FBXO34: variants seen among roughly 807,000 people sequenced by gnomAD.
FBXO34 encodes the protein F-box protein 34, also known as F-box only protein 34.
FBXO34 carries 12 observed loss-of-function variants against 24.5 expected under a neutral mutation model. The ratio of observed to expected loss-of-function variants is 0.49; its 90% CI spans 0.31 to 0.79. The LOEUF (loss-of-function observed/expected upper bound fraction) is 0.79, where lower values mean the gene tolerates loss of function less well. FBXO34 is among the 30% of genes least tolerant of loss of function. FBXO34 has a pLI of 0.04. For missense variants in FBXO34, 823 were observed against 857.7 expected (o/e 0.96, Z 0.51); for synonymous variants, 320 against 311.9 (o/e 1.03, Z -0.27).
At chr14:55,418,494 CAAGTTA>C in the FBXO34 span, among the ~76,000 whole-genome samples, 1 of 152,150 alleles carries the variant, frequency 6.6e-6, no homozygotes. Context: ...TTGCACCGCT[CAAGTTA>C]TTCATTTTAT....
At chr14:55,393,325 C>T in the FBXO34 span, among the ~76,000 whole-genome samples, 29 of 151,564 alleles carry the variant, frequency 1.9e-4, no homozygotes, top group South Asian at 6.3e-4. Context: ...GTGGAGGTTG[C>T]AGTGAGCCGA....
the FBXO34 span, among the ~76,000 whole-genome samples, chr14:55,379,269 T>C: frequency 0.56 from 84,552 of 151,796 alleles, 26,554 homozygotes; most frequent in African/African-American, 0.87. Context: ...GGTGCAGTGG[T>C]TCATGCCTGT....
At position 55,294,373 on chromosome 14, in the gene FBXO34, G is replaced by A. The variant is rs762951197; in HGVS notation, c.-11+22836G>A. On this transcript the variant is annotated intron_variant, in intron 1 of 1. Transcript: ENST00000313833. ...GCAGTGGTGTGAACACTGCAGTCTT[G>A]ACCTCCCAAGTTCAAGTGATCCTCT... 3.0e-4 allele frequency among the ~76,000 whole-genome samples: 45 copies of A among 151,984 alleles called. 1 individual carries two copies. The highest frequency in any genetic ancestry group is 5.4e-4 in the Non-Finnish European group (37 of 67,970).
chr14:55,314,812 A>T (rs1232614889), intron 1 of FBXO34, among the ~76,000 whole-genome samples: 2 of 152,214 alleles, frequency 1.3e-5, no homozygotes, highest in East Asian at 3.8e-4. Flanking sequence ...TTAAATGTAC[A>T]TAGTTTAGTT....
At chr14:55,433,817 T>A in the FBXO34 span, 1 of 1,069,648 alleles carries the variant, frequency 9.3e-7, no homozygotes, top group African/African-American at 1.6e-5. Flanking sequence ...TCAAACAGAT[T>A]GGATGGGAAA....
intron 1 of FBXO34, among the ~76,000 whole-genome samples, chr14:55,305,456 T>G (rs1419022577): frequency 2.0e-5 from 3 of 149,124 alleles, no homozygotes; most frequent in African/African-American, 5.0e-5. Context: ...CGGTGCGTGG[T>G]GGCTGAGGCG....
At chr14:55,308,187 T>C (rs902574390) in intron 1 of FBXO34, among the ~76,000 whole-genome samples, 1 of 152,226 alleles carries the variant, frequency 6.6e-6, no homozygotes, top group African/African-American at 2.4e-5. Flanking sequence ...GCATTTTGCA[T>C]AGAATTGCAG....
chr14:55,298,920 G>A lies in FBXO34; in HGVS notation c.-11+27383G>A, dbSNP rs1051016697. On this transcript the variant is annotated intron_variant, in intron 1 of 1. Coordinates refer to ENST00000313833, the MANE Select transcript of FBXO34 (RefSeq NM_017943.4). ...GGAGAATGCCAACACCAATACCGAG[G>A]TGCTCAAGAACATGGGCTCTGCAGC... The A allele has an allele frequency of 5.1e-6, 8 of 1,579,440 alleles. No homozygotes were observed. The African/African-American group carries it at 9.4e-5, about 19-fold the overall frequency.
At chr14:55,327,594 T>C (rs1441283143) in intron 1 of FBXO34, among the ~76,000 whole-genome samples, 1 of 152,130 alleles carries the variant, frequency 6.6e-6, no homozygotes, top group East Asian at 1.9e-4. Flanking sequence ...GAAAAAAATG[T>C]TGCTGTTTAC....
At chr14:55,433,334 A>C in the FBXO34 span, among the ~76,000 whole-genome samples, 2 of 119,050 alleles carry the variant, frequency 1.7e-5, no homozygotes, top group Admixed American at 7.9e-5. Context: ...TTTTTTTTTA[A>C]CAGAGATGGA....
chr14:55,329,222 A>T (rs1030087144), intron 1 of FBXO34, among the ~76,000 whole-genome samples: 5 of 150,946 alleles, frequency 3.3e-5, no homozygotes, highest in African/African-American at 1.2e-4. Flanking sequence ...ATTTAATTTT[A>T]TAGAATGTTT....
At position 55,352,661 on chromosome 14, in the gene FBXO34, C is replaced by T. The variant is rs1884435280; in HGVS notation, c.*135C>T. The T allele has an allele frequency of 1.4e-6, 1 of 732,882 alleles. No individual in the cohort carries two copies. The highest frequency in any genetic ancestry group is 2.9e-5 in the East Asian group (1 of 34,558). 45.4% of individuals were successfully genotyped at this position (732,882 alleles called of 1,614,324 possible). ...CATCATCAGGACTGCATTGCTCAGGCATTTTCTAAACTCTAAATTTACGAG... is the reference window on the plus strand; with the variant it reads ...CATCATCAGGACTGCATTGCTCAGGTATTTTCTAAACTCTAAATTTACGAG... On this transcript the variant is annotated 3_prime_UTR_variant, in exon 2 of 2. Coordinates refer to ENST00000313833, the MANE Select transcript of FBXO34 (RefSeq NM_017943.4).
chr14:55,295,283 A>G (rs1882079109), intron 1 of FBXO34, among the ~76,000 whole-genome samples: 1 of 151,928 alleles, frequency 6.6e-6, no homozygotes, highest in Non-Finnish European at 1.5e-5. Context: ...CAATGTTAAT[A>G]GTTAGCTTTA....
the FBXO34 span, chr14:55,378,103 T>C: frequency 3.1e-6 from 5 of 1,589,282 alleles, no homozygotes; most frequent in Middle Eastern, 3.4e-4. Flanking sequence ...ATTTATAAAG[T>C]TGCATTTTTT....
intron 1 of FBXO34, among the ~76,000 whole-genome samples, chr14:55,289,515 C>A (rs1881872306): frequency 6.6e-6 from 1 of 152,050 alleles, no homozygotes; most frequent in Admixed American, 6.6e-5. Context: ...ACGATTCTTT[C>A]TTTCTATGTA....
At chr14:55,323,251 A>T in intron 1 of FBXO34, among the ~76,000 whole-genome samples, 1 of 105,190 alleles carries the variant, frequency 9.5e-6, no homozygotes, top group Non-Finnish European at 1.8e-5. Flanking sequence ...TTTTTTTTAG[A>T]GACAGAGTCT....
chr14:55,359,237 T>G (rs1215207865), intron 3 of FBXO34, among the ~76,000 whole-genome samples: 1 of 152,120 alleles, frequency 6.6e-6, no homozygotes, highest in African/African-American at 2.4e-5. Flanking sequence ...CAAAGGCCAG[T>G]GCAAAATTTC....
At chr14:55,277,424 C>T (rs182901699) in intron 1 of FBXO34, among the ~76,000 whole-genome samples, 124 of 152,204 alleles carry the variant, frequency 8.1e-4, no homozygotes, top group African/African-American at 2.8e-3. Context: ...GGGCTCAAGC[C>T]GTCCTCCTTC....
At chr14:55,303,151 A>G (rs1342559776) in intron 1 of FBXO34, among the ~76,000 whole-genome samples, 26 of 148,296 alleles carry the variant, frequency 1.8e-4, no homozygotes. Context: ...AGCATTGGCT[A>G]TTCTTTAAAT....
Sources: allele counts gnomAD v4.1 joint callset (sites outside exome capture counted in the v4.1 genomes callset), GRCh38; gene constraint gnomAD v4.1.1; transcripts MANE v1.5; gene names NCBI Gene and HGNC (gene_info 2026-07-23, HGNC 2026-07-21).